The following NCKAP5 variants were observed in gnomAD, a reference collection of about 807,000 sequenced individuals.
NCKAP5 encodes the protein NCK associated protein 5.
In NCKAP5, 92 loss-of-function variants were observed where a neutral mutation model predicts 167.0. The observed-to-expected ratio is 0.55, with a 90% CI of 0.47 to 0.66. The LOEUF is 0.66. Among genes scored for constraint, NCKAP5 ranks in the 30% least tolerant of loss-of-function variants. The pLI is 0.00. For synonymous variants in NCKAP5, 891 were observed against 877.4 expected (o/e 1.02, Z -0.27); for missense variants, 2,378 against 2,315.0 (o/e 1.03, Z -0.56).
intron 16 of NCKAP5, among the ~76,000 whole-genome samples, chr2:132,750,613 G>T (rs1239996022): frequency 2.0e-5 from 3 of 152,144 alleles, no homozygotes; most frequent in Non-Finnish European, 4.4e-5. Flanking sequence ...TGAGGAGAAG[G>T]CATGGGAGCT....
chr2:133,395,836 G>C (rs1185354416), intron 3 of NCKAP5, among the ~76,000 whole-genome samples: 1 of 151,884 alleles, frequency 6.6e-6, no homozygotes, highest in African/African-American at 2.4e-5. Flanking sequence ...TGTAGAGATG[G>C]GTTCCCTCTA....
chr2:133,510,316 T>C (rs1474687254), intron 3 of NCKAP5, among the ~76,000 whole-genome samples: 1 of 152,110 alleles, frequency 6.6e-6, no homozygotes, highest in Non-Finnish European at 1.5e-5. Flanking sequence ...AACTCCACCT[T>C]GTACATGAAC....
At chr2:132,818,019 C>CATGA (rs1265370653) in intron 11 of NCKAP5, among the ~76,000 whole-genome samples, 2 of 152,228 alleles carry the variant, frequency 1.3e-5, no homozygotes, top group East Asian at 3.8e-4. Flanking sequence ...ATGATCATGG[C>CATGA]TCACTGCGGC....
chr2:133,080,034 C>T (rs901802488), intron 6 of NCKAP5, among the ~76,000 whole-genome samples: 1 of 151,936 alleles, frequency 6.6e-6, no homozygotes, highest in African/African-American at 2.4e-5. Flanking sequence ...TGCTGTAGGC[C>T]CTGGGTAAAC....
intron 5 of NCKAP5, among the ~76,000 whole-genome samples, chr2:133,159,404 G>A (rs1021832161): frequency 1.3e-5 from 2 of 152,210 alleles, no homozygotes; most frequent in African/African-American, 2.4e-5. Flanking sequence ...ACCTGGAACA[G>A]AGAAACCCGT....
chr2:132,976,423 G>A (rs1463443695), intron 7 of NCKAP5, among the ~76,000 whole-genome samples: 3 of 151,982 alleles, frequency 2.0e-5, no homozygotes, highest in Non-Finnish European at 4.4e-5. Flanking sequence ...AATTAGCCGG[G>A]CATGGTGGCA....
intron 4 of NCKAP5, among the ~76,000 whole-genome samples, chr2:133,285,790 T>C (rs957831557): frequency 2.3e-4 from 35 of 152,178 alleles, no homozygotes; most frequent in African/African-American, 8.2e-4. Context: ...TCCAGGTACA[T>C]ATTTTCTCAT....
intron 3 of NCKAP5, among the ~76,000 whole-genome samples, chr2:133,506,281 C>T (rs1682997130): frequency 6.6e-6 from 1 of 152,206 alleles, no homozygotes. Context: ...ACACAAAAAT[C>T]TATTTCAAAT....
chr2:133,460,666 T>C (rs1201359723), intron 3 of NCKAP5, among the ~76,000 whole-genome samples: 1 of 152,166 alleles, frequency 6.6e-6, no homozygotes, highest in African/African-American at 2.4e-5. Context: ...AACTATAAAC[T>C]GTAACTTAAA....
At chr2:133,308,331 G>A (rs1032252470) in intron 3 of NCKAP5, among the ~76,000 whole-genome samples, 8 of 151,754 alleles carry the variant, frequency 5.3e-5, no homozygotes, top group Non-Finnish European at 1.0e-4. Context: ...CTTGTGATCC[G>A]CCCGCCTCGG....
chr2:133,108,759 T>A (rs995824312), intron 6 of NCKAP5, among the ~76,000 whole-genome samples: 1 of 152,206 alleles, frequency 6.6e-6, no homozygotes, highest in Non-Finnish European at 1.5e-5. Context: ...TTCAACTATT[T>A]AAGACATAAA....
At chr2:133,636,533 C>T in the NCKAP5 span, among the ~76,000 whole-genome samples, 1 of 152,200 alleles carries the variant, frequency 6.6e-6, no homozygotes. Context: ...AGGGCAAGGG[C>T]TTGGTTAACT....
Position 132,673,221 on chromosome 2 carries a change from T to C in NCKAP5, c.*68A>G. On this transcript the variant is annotated 3_prime_UTR_variant, in exon 20 of 20. Coordinates refer to ENST00000409261, the MANE Select transcript of NCKAP5 (RefSeq NM_207363.3). ...TTTTCTAATAAAATCACAGTATTGC[T>C]GTTAAATTTATTGAATGACTCTAGG... The C allele has an allele frequency of 6.8e-7, 1 of 1,468,690 alleles. No homozygotes were observed. Among genetic ancestry groups the C allele is most frequent in the Non-Finnish European group, 9.0e-7 (1 of 1,113,138 alleles). The allele number at this position is 1,468,690 out of a possible 1,614,324, so 91.0% of individuals were successfully genotyped here.
At chr2:132,769,563 AC>A (rs1376413972) in intron 16 of NCKAP5, among the ~76,000 whole-genome samples, 1 of 152,224 alleles carries the variant, frequency 6.6e-6, no homozygotes, top group African/African-American at 2.4e-5. Context: ...AAGATAAACA[AC>A]CATTTGACTT....
chr2:133,191,075 GA>G (rs990878277), intron 5 of NCKAP5, among the ~76,000 whole-genome samples: 28 of 151,740 alleles, frequency 1.8e-4, no homozygotes, highest in African/African-American at 6.5e-4. Context: ...AAATTTACAA[GA>G]AAAAAAATCA....
chr2:132,929,107 G>A (rs1696155634), intron 8 of NCKAP5, among the ~76,000 whole-genome samples: 1 of 152,106 alleles, frequency 6.6e-6, no homozygotes. Flanking sequence ...ACCATGTGAG[G>A]ACACAGCAAG....
At chr2:133,126,710 G>A (rs1308798254) in intron 6 of NCKAP5, among the ~76,000 whole-genome samples, 3 of 152,100 alleles carry the variant, frequency 2.0e-5, no homozygotes, top group Non-Finnish European at 4.4e-5. Flanking sequence ...TCTTTAAGGA[G>A]TAGTAGCCTT....
chr2:133,017,232 A>C (rs2078369653), intron 6 of NCKAP5, among the ~76,000 whole-genome samples: 1 of 152,226 alleles, frequency 6.6e-6, no homozygotes, highest in South Asian at 2.1e-4. Flanking sequence ...TGTTTTCTGA[A>C]GGCAACTATT....
the NCKAP5 span, among the ~76,000 whole-genome samples, chr2:133,595,565 G>A: frequency 6.6e-6 from 1 of 151,974 alleles, no homozygotes; most frequent in South Asian, 2.1e-4. Flanking sequence ...GACAGGCAGG[G>A]GTCTTGGTGG....
Sources: gnomAD v4.1 joint callset for allele counts (sites outside exome capture counted in the v4.1 genomes callset) on GRCh38, gnomAD v4.1.1 for gene constraint, MANE v1.5 for transcripts, NCBI Gene and HGNC (gene_info 2026-07-23, HGNC 2026-07-21) for gene names.